Variants in ZNF214 observed in about 807,000 individuals in gnomAD.
ZNF214 encodes the protein BWSCR2-associated zinc finger protein 1.
Under a neutral mutation model 53.9 loss-of-function variants are expected in ZNF214, and 43 were observed. The ratio of observed to expected loss-of-function variants is 0.80; its 90% CI spans 0.63 to 1.03. The LOEUF is 1.03. ZNF214 is among the 50% of genes least tolerant of loss of function. ZNF214 has a pLI of 0.00. For missense variants in ZNF214, 724 were observed against 719.1 expected, an observed-to-expected ratio of 1.01 and a Z score of -0.08; for synonymous variants, 217 against 229.5, an observed-to-expected ratio of 0.95 and a Z score of 0.49.
At chr11:7,014,177 A>G (rs2119454814) in intron 1 of ZNF214, among the ~76,000 whole-genome samples, 1 of 152,354 alleles carries the variant, frequency 6.6e-6, no homozygotes, top group Non-Finnish European at 1.5e-5. Context: ...TGCATATCTG[A>G]GAGATCCAAG....
Position 7,001,689 on chromosome 11 carries a change from G to C in ZNF214, c.128-134C>G, listed in dbSNP as rs1354686335. On this transcript the variant is annotated intron_variant, in intron 2 of 2. Coordinates refer to ENST00000278314, the MANE Select transcript of ZNF214 (RefSeq NM_013249.4). The stretch of plus-strand genomic sequence containing the variant: ...GGTAGGAAAGAAGGGTTATGACTCT[G>C]CCTGCTCCATTTGGGTCTGAAATTC... 4 of 980,754 alleles carry C rather than the reference G, an allele frequency of 4.1e-6. No individual in the cohort carries two copies. In the Admixed American group the frequency reaches 1.2e-4, roughly 29 times the overall value. The allele number at this position is 980,754 out of a possible 1,614,324, so 60.8% of individuals were successfully genotyped here.
chr11:7,001,582 G>A, intron 2 of ZNF214, 27 bp from the exon 3 acceptor site: 1 of 1,557,970 alleles, frequency 6.4e-7, no homozygotes, highest in Non-Finnish European at 8.6e-7. Context: ...ATAATCCCAT[G>A]GTGAGATAAA....
At position 7,000,163 on chromosome 11, in the gene ZNF214, A is replaced by C; in HGVS notation, c.1520T>G (p.Phe507Cys). Residue 507 changes from phenylalanine (F) to cysteine (C), a missense_variant, in exon 3 of 3, where the codon TTC becomes TGC. Physicochemically the swap from Phe to Cys is radical, Grantham distance 205 (BLOSUM62 -2). Coordinates refer to ENST00000278314, the MANE Select transcript of ZNF214 (RefSeq NM_013249.4). ...PYKCEECGKG[F>C]SQRSHLLIHQ... The stretch of plus-strand genomic sequence containing the variant: ...AATGAGAAGATGTGAACGCTGACTG[A>C]ATCCCTTGCCACACTCTTCACATTT... The C allele has an allele frequency of 6.2e-7, 1 of 1,613,322 alleles. No individual in the cohort carries two copies. Among genetic ancestry groups the C allele is most frequent in the Non-Finnish European group, 8.5e-7 (1 of 1,179,588 alleles).
intron 1 of ZNF214, among the ~76,000 whole-genome samples, chr11:7,005,236 A>C (rs1014798167): frequency 1.3e-5 from 2 of 152,060 alleles, no homozygotes; most frequent in African/African-American, 4.8e-5. Context: ...TTACTAAAAA[A>C]TACTACAAAA....
chr11:7,006,810 C>T (rs1851481376), intron 1 of ZNF214, among the ~76,000 whole-genome samples: 1 of 151,884 alleles, frequency 6.6e-6, no homozygotes, highest in South Asian at 2.1e-4. Context: ...ATTTCAATTT[C>T]ACACATAGTT....
intron 1 of ZNF214, among the ~76,000 whole-genome samples, chr11:7,009,205 C>T (rs2133400967): frequency 6.6e-6 from 1 of 151,978 alleles, no homozygotes; most frequent in East Asian, 2.0e-4. Context: ...ACCAAAACAG[C>T]AGGGTACTGA....
chr11:7,007,177 A>G (rs1221482173), intron 1 of ZNF214, among the ~76,000 whole-genome samples: 1 of 151,868 alleles, frequency 6.6e-6, no homozygotes, highest in East Asian at 1.9e-4. Flanking sequence ...AAAAGTCAGT[A>G]GGGGTAAATA....
chr11:6,998,831 C>G lies in ZNF214; in HGVS notation c.*1031G>C, dbSNP rs1018902086. On this transcript the variant is annotated 3_prime_UTR_variant, in exon 3 of 3. Coordinates refer to ENST00000278314, the MANE Select transcript of ZNF214 (RefSeq NM_013249.4). The stretch of plus-strand genomic sequence containing the variant: ...TGCAATTCCCTCTAATTTTCCTAAA[C>G]ATGTCCACTTTTTTTTCTCTTGGTA... Among the ~76,000 whole-genome samples the G allele has an allele frequency of 6.6e-6, 1 of 151,934 alleles. No individual in the cohort carries two copies. The highest frequency in any genetic ancestry group is 2.4e-5 in the African/African-American group (1 of 41,404).
intron 1 of ZNF214, among the ~76,000 whole-genome samples, chr11:7,003,312 A>C (rs1181628032): frequency 6.6e-6 from 1 of 152,010 alleles, no homozygotes; most frequent in East Asian, 1.9e-4. Flanking sequence ...CTAAATTTCA[A>C]TTTAAAATAT....
At chr11:7,011,239 C>G (rs1851600149) in intron 1 of ZNF214, among the ~76,000 whole-genome samples, 1 of 151,874 alleles carries the variant, frequency 6.6e-6, no homozygotes, top group Non-Finnish European at 1.5e-5. Flanking sequence ...AAATTACAGG[C>G]ACATTTGTAA....
rs754106018 is a variant in ZNF214, at chr11:7,000,407, G to A, written c.1276C>T (p.Arg426Cys). The change falls in exon 3 of 3, where the codon CGC (arginine) becomes TGC (cysteine). Residue 426 changes from arginine to cysteine, a missense_variant. Transcript: ENST00000278314. ...CTCTGATGAATTTGAAGATTTGAGC[G>A]CTGGGTAAAGCCTTTACCACAGTCT... is the stretch of plus-strand genomic sequence containing the variant. ...CEDCGKGFTQRSNLQIHQRVH... is the reference protein window; with the variant it reads ...CEDCGKGFTQCSNLQIHQRVH... The A allele has an allele frequency of 4.5e-5, 72 of 1,613,042 alleles. No individual in the cohort carries two copies. The Admixed American group carries it at 8.4e-4, about 19-fold the overall frequency.
At chr11:7,016,825 A>T (rs1215411500) in intron 1 of ZNF214, among the ~76,000 whole-genome samples, 1 of 152,206 alleles carries the variant, frequency 6.6e-6, no homozygotes, top group African/African-American at 2.4e-5. Flanking sequence ...AAATGTTTAA[A>T]ATAACACAAT....
Position 6,997,366 on chromosome 11 carries a change from C to A in ZNF214, c.*2496G>T, listed in dbSNP as rs949603160. Among the ~76,000 whole-genome samples, 1 of 151,614 alleles carries A rather than the reference C, an allele frequency of 6.6e-6. No individual in the cohort carries two copies. The highest frequency in any genetic ancestry group is 6.6e-5 in the Admixed American group (1 of 15,180). On this transcript the variant is annotated 3_prime_UTR_variant, in exon 3 of 3. Coordinates refer to ENST00000278314, the MANE Select transcript of ZNF214 (RefSeq NM_013249.4). Reference sequence around the variant, plus strand: ...TAGCACATAATTAGAAATTTTTAACCCAGTGTTTTCAACATTTTAAAATGA... The same window carrying A: ...TAGCACATAATTAGAAATTTTTAACACAGTGTTTTCAACATTTTAAAATGA...
In ZNF214 at chr11:7,000,781, A is replaced by G; in HGVS notation, c.902T>C (p.Val301Ala). ...HFHQRVHIGE[V>A]PYSCNACGKS... ...ACCACATGCATTACAGCTATAAGGT[A>G]CCTCCCCTATGTGAACTCTCTGATG... Residue 301 changes from valine to alanine, a missense_variant, in exon 3 of 3, where the codon GTA (valine) becomes GCA (alanine). By Grantham distance (64) the Val-to-Ala change is moderately conservative. Coordinates refer to ENST00000278314, the MANE Select transcript of ZNF214 (RefSeq NM_013249.4). 2.5e-6 allele frequency: 4 copies of G among 1,610,448 alleles called. No individual in the cohort carries two copies. Among genetic ancestry groups the G allele is most frequent in the African/African-American group, 1.3e-5 (1 of 74,808 alleles).
Position 7,001,051 on chromosome 11 carries a change from C to G in ZNF214, c.632G>C (p.Arg211Thr). ...VGVICQEDLL[R>T]DSMEEKYCGC... is the part of the protein sequence containing the mutation. ...ACAGTACTTTTCTTCCATTGAATCT[C>G]TCAGTAGGTCTTCTTGACATATCAC... The change falls in exon 3 of 3, where the codon AGA (arginine) becomes ACA (threonine). Residue 211 changes from arginine (R) to threonine (T), a missense_variant. By Grantham distance (71) the Arg-to-Thr change is moderately conservative (BLOSUM62 -1). Transcript: ENST00000278314. 1 of 1,613,280 alleles carries G rather than the reference C, an allele frequency of 6.2e-7. No individual in the cohort carries two copies. Among genetic ancestry groups the G allele is most frequent in the South Asian group, 1.1e-5 (1 of 91,046 alleles).
intron 1 of ZNF214, among the ~76,000 whole-genome samples, chr11:7,005,514 A>G (rs1418140952): frequency 6.6e-6 from 1 of 152,072 alleles, no homozygotes; most frequent in Non-Finnish European, 1.5e-5. Context: ...GATCTGGCTA[A>G]TGTTTTCTTG....
chr11:7,011,150 G>C, intron 1 of ZNF214, among the ~76,000 whole-genome samples: 1 of 152,142 alleles, frequency 6.6e-6, no homozygotes, highest in Admixed American at 6.5e-5. Context: ...AAAGTAGAGA[G>C]TGAAAATTGC....
Position 6,999,211 on chromosome 11 carries a change from G to C in ZNF214, c.*651C>G, listed in dbSNP as rs1325932999. 6.6e-6 allele frequency: 1 copy of C among 152,146 alleles called. No homozygotes were observed. The highest frequency in any genetic ancestry group is 1.5e-5 in the Non-Finnish European group (1 of 68,102). 9.4% of individuals were successfully genotyped at this position (152,146 alleles called of 1,614,324 possible). A position where few individuals can be genotyped will look rare whatever the true frequency, so the allele number is the denominator to read the frequency against. On this transcript the variant is annotated 3_prime_UTR_variant, in exon 3 of 3. Coordinates refer to ENST00000278314, the MANE Select transcript of ZNF214 (RefSeq NM_013249.4). The stretch of plus-strand genomic sequence containing the variant: ...CGGAAAGGGAAGGGATGAGTGCACT[G>C]TAGTCACCTCAAAGTGAAGCACCCC...
chr11:7,000,947 G>A lies in ZNF214; in HGVS notation c.736C>T (p.Leu246Phe). 8 of 1,612,956 alleles carry A rather than the reference G, an allele frequency of 5.0e-6. No individual in the cohort carries two copies. Among genetic ancestry groups the A allele is most frequent in the Non-Finnish European group, 6.8e-6 (8 of 1,179,556 alleles). Residue 246 changes from leucine (L) to phenylalanine (F), a missense_variant, in exon 3 of 3, where the codon CTC (leucine) becomes TTC (phenylalanine). Physicochemically the swap from Leu to Phe is conservative, Grantham distance 22. Coordinates refer to ENST00000278314, the MANE Select transcript of ZNF214 (RefSeq NM_013249.4). Reference sequence around the variant, plus strand: ...GCTTTACAGATGGAGCATTGACAGAGGTTTTCTCCAGGTTGATTTCTCTTG... The same window carrying A: ...GCTTTACAGATGGAGCATTGACAGAAGTTTTCTCCAGGTTGATTTCTCTTG... Reference protein sequence around the residue: ...FHKRNQPGENLCQCSICKACF... With the variant: ...FHKRNQPGENFCQCSICKACF...
Sources: allele counts gnomAD v4.1 joint callset (sites outside exome capture counted in the v4.1 genomes callset), GRCh38; gene constraint gnomAD v4.1.1; transcripts MANE v1.5; gene names NCBI Gene and HGNC (gene_info 2026-07-23, HGNC 2026-07-21).